The following AFF2 variants were observed in gnomAD, a reference collection of about 807,000 sequenced individuals.
The protein encoded by AFF2 is ALF transcription elongation factor 2.
A neutral mutation model predicts 76.9 loss-of-function variants in AFF2; 14 were observed. The observed-to-expected ratio is 0.18, with a 90% CI of 0.12 to 0.28. AFF2 has a LOEUF of 0.28. Ranked by LOEUF, AFF2 falls within the 10% of genes least tolerant of loss-of-function variation. AFF2 has a pLI of 1.00. For synonymous variants in AFF2, 398 were observed against 366.7 expected (o/e 1.09, Z -0.98); for missense variants, 868 against 1,001.1 (o/e 0.87, Z 1.79).
chrX:148,746,180 A>G (rs781923594), intron 3 of AFF2, among the ~76,000 whole-genome samples: 1 of 112,525 alleles, frequency 8.9e-6, no homozygotes, highest in African/African-American at 3.2e-5. Context: ...TGATAGTGCT[A>G]TAGGCAGACA....
chrX:148,649,492 C>T (rs1176018597), intron 1 of AFF2, among the ~76,000 whole-genome samples: 1 of 112,295 alleles, frequency 8.9e-6, no homozygotes, highest in African/African-American at 3.2e-5. Context: ...AATTCATTCT[C>T]GCCAGAGATA....
At chrX:148,931,703 A>C (rs1603342353) in intron 9 of AFF2, among the ~76,000 whole-genome samples, 3 of 111,740 alleles carry the variant, frequency 2.7e-5, no homozygotes, top group South Asian at 7.6e-4. Context: ...ATATTTGGGA[A>C]GGAGTGGGGT....
At chrX:148,847,445 C>G (rs2070680891) in intron 7 of AFF2, among the ~76,000 whole-genome samples, 1 of 111,978 alleles carries the variant, frequency 8.9e-6, no homozygotes, top group African/African-American at 3.3e-5. Flanking sequence ...ATCCAGACCC[C>G]CATTTAACTG....
At chrX:148,562,674 G>T (rs1398994275) in intron 1 of AFF2, among the ~76,000 whole-genome samples, 3 of 111,959 alleles carry the variant, frequency 2.7e-5, no homozygotes, top group Non-Finnish European at 5.6e-5. Flanking sequence ...ACTGAGTTCA[G>T]GCTGAAGGTG....
chrX:148,578,710 A>G (rs1337629107), intron 1 of AFF2, among the ~76,000 whole-genome samples: 1 of 111,792 alleles, frequency 8.9e-6, no homozygotes, highest in Non-Finnish European at 1.9e-5. Context: ...GGGGGAAAAA[A>G]CATCATGGGA....
chrX:148,574,985 T>TGTGA (rs1557243212), intron 1 of AFF2, among the ~76,000 whole-genome samples: 20 of 86,277 alleles, frequency 2.3e-4, no homozygotes, highest in African/African-American at 5.6e-4. Context: ...TGTGTGTGTG[T>TGTGA]GAGAGAGAGA....
At chrX:148,726,108 T>A (rs1557264228) in intron 3 of AFF2, among the ~76,000 whole-genome samples, 1 of 111,348 alleles carries the variant, frequency 9.0e-6, no homozygotes, top group African/African-American at 3.3e-5. Flanking sequence ...GCAAGATCAA[T>A]AAAGGAAAAG....
chrX:148,763,450 A>C (rs2124589606), intron 3 of AFF2, among the ~76,000 whole-genome samples: 1 of 110,327 alleles, frequency 9.1e-6, no homozygotes, highest in Admixed American at 9.9e-5. Flanking sequence ...CTGCAGGGGT[A>C]ATTTCTTATC....
chrX:148,947,151 A>T (rs186342514), intron 9 of AFF2, among the ~76,000 whole-genome samples: 73 of 112,130 alleles, frequency 6.5e-4, no homozygotes, highest in Admixed American at 1.2e-3. Flanking sequence ...AAACATCAGG[A>T]TGAGATAACA....
intron 1 of AFF2, among the ~76,000 whole-genome samples, chrX:148,504,531 G>A (rs949177297): frequency 8.9e-6 from 1 of 112,602 alleles, no homozygotes; most frequent in Admixed American, 9.3e-5. Context: ...GCTTGCAAAC[G>A]GGCAGTTATA....
chrX:148,541,510 C>T (rs1385656226), intron 1 of AFF2, among the ~76,000 whole-genome samples: 1 of 111,221 alleles, frequency 9.0e-6, no homozygotes, highest in Non-Finnish European at 1.9e-5. Context: ...AGGGAAATTA[C>T]CACTATTCTG....
At chrX:148,838,599 A>G (rs781904081) in intron 5 of AFF2, among the ~76,000 whole-genome samples, 3 of 111,813 alleles carry the variant, frequency 2.7e-5, no homozygotes, top group Non-Finnish European at 5.6e-5. Flanking sequence ...AGAATACCGC[A>G]TGCATAAGAC....
intron 5 of AFF2, among the ~76,000 whole-genome samples, chrX:148,841,103 G>A (rs2070594666): frequency 9.0e-6 from 1 of 111,549 alleles, no homozygotes; most frequent in Non-Finnish European, 1.9e-5. Flanking sequence ...TTGGAGGAAG[G>A]TTAAAAATTC....
intron 1 of AFF2, among the ~76,000 whole-genome samples, chrX:148,577,802 A>C (rs1264066109): frequency 9.0e-6 from 1 of 111,532 alleles, no homozygotes; most frequent in Non-Finnish European, 1.9e-5. Flanking sequence ...GCTCAGCGGC[A>C]TCATCTTTTT....
intron 1 of AFF2, among the ~76,000 whole-genome samples, chrX:148,601,545 G>C (rs1195634128): frequency 9.0e-6 from 1 of 111,003 alleles, no homozygotes; most frequent in Non-Finnish European, 1.9e-5. Flanking sequence ...AATTTTCTTG[G>C]CATTTAACTT....
chrX:148,501,645 T>G (rs963270460), intron 1 of AFF2, among the ~76,000 whole-genome samples: 1 of 113,532 alleles, frequency 8.8e-6, no homozygotes. Context: ...ATCCCTGCGC[T>G]GCGCGGCGCG....
intron 3 of AFF2, among the ~76,000 whole-genome samples, chrX:148,783,461 TCTC>T (rs1557269235): frequency 8.9e-6 from 1 of 112,207 alleles, no homozygotes; most frequent in Non-Finnish European, 1.9e-5. Flanking sequence ...CAAGTGTTAA[TCTC>T]CTTTTCCTGA....
chrX:148,732,025 A>G (rs2055226202), intron 3 of AFF2, among the ~76,000 whole-genome samples: 1 of 59,710 alleles, frequency 1.7e-5, no homozygotes, highest in Admixed American at 1.8e-4. Flanking sequence ...GCGATTCCTC[A>G]GGGATCTAGA....
intron 9 of AFF2, among the ~76,000 whole-genome samples, chrX:148,916,203 T>C (rs1557282559): frequency 6.8e-5 from 5 of 73,510 alleles, no homozygotes; most frequent in Non-Finnish European, 1.3e-4. Flanking sequence ...TAACTTTTTT[T>C]TTTTTTTTTT....
Sources: allele counts gnomAD v4.1 joint callset (sites outside exome capture counted in the v4.1 genomes callset), GRCh38; gene constraint gnomAD v4.1.1; transcripts MANE v1.5; gene names NCBI Gene and HGNC (gene_info 2026-07-23, HGNC 2026-07-21).